GALNT14: variants seen among roughly 807,000 people sequenced by gnomAD.
GALNT14 encodes polypeptide N-acetylgalactosaminyltransferase 14.
A neutral mutation model predicts 77.5 loss-of-function variants in GALNT14; 60 were observed. That is an observed-to-expected ratio of 0.77 (90% CI 0.63 to 0.96). The LOEUF is 0.96. Among genes scored for constraint, GALNT14 ranks in the 40% least tolerant of loss-of-function variants. GALNT14 has a pLI of 0.00. For synonymous variants in GALNT14, 280 were observed against 281.7 expected, an observed-to-expected ratio of 0.99 and a Z score of 0.06; for missense variants, 710 against 731.0, an observed-to-expected ratio of 0.97 and a Z score of 0.33.
chr2:31,070,219 A>G lies in GALNT14; in HGVS notation c.129+67739T>C, dbSNP rs117890479. On this transcript the variant is annotated intron_variant, in intron 1 of 14. Coordinates refer to ENST00000349752, the MANE Select transcript of GALNT14 (RefSeq NM_024572.4). ...GCTATTCCACCATCTACTCATTCAC[A>G]AAGTGCCTTCCTAAGTTCAGTCAGG... 2.0e-5 allele frequency among the ~76,000 whole-genome samples: 3 copies of G among 152,300 alleles called. No individual in the cohort carries two copies. The East Asian group carries it at 5.8e-4, about 29-fold the overall frequency.
At chr2:30,969,427 G>C (rs563201409) in intron 2 of GALNT14, among the ~76,000 whole-genome samples, 193 of 152,324 alleles carry the variant, frequency 1.3e-3, no homozygotes, top group Non-Finnish European at 1.9e-3. Flanking sequence ...GTTGGGGAGG[G>C]AGGTGGTACT....
intron 11 of GALNT14, 39 bp downstream of exon 11, chr2:30,929,356 T>C (rs1665585282): frequency 2.0e-6 from 3 of 1,528,934 alleles, no homozygotes. Flanking sequence ...CTGGGCTCTT[T>C]TGCAGTCTCT....
the GALNT14 span, among the ~76,000 whole-genome samples, chr2:30,904,876 A>G: frequency 6.6e-6 from 1 of 152,046 alleles, no homozygotes; most frequent in African/African-American, 2.4e-5. Flanking sequence ...GAACGGGCAG[A>G]CTGCCTCCTC....
intron 3 of GALNT14, among the ~76,000 whole-genome samples, chr2:30,960,870 C>T (rs951261728): frequency 3.3e-5 from 5 of 152,238 alleles, no homozygotes; most frequent in Non-Finnish European, 5.9e-5. Context: ...CACCCCCACT[C>T]CAGCTGCCTT....
intron 8 of GALNT14, 28 bp downstream of exon 8, chr2:30,944,830 C>A (rs1424267190): frequency 1.3e-6 from 2 of 1,537,008 alleles, no homozygotes; most frequent in South Asian, 1.2e-5. Flanking sequence ...ATGGTCTGCC[C>A]ACCCCTGCAC....
At chr2:30,989,716 AGT>A (rs1669571447) in intron 2 of GALNT14, among the ~76,000 whole-genome samples, 2 of 116,086 alleles carry the variant, frequency 1.7e-5, no homozygotes, top group African/African-American at 3.6e-5. Context: ...TATATATATT[AGT>A]ATATATATAT....
intron 2 of GALNT14, among the ~76,000 whole-genome samples, chr2:30,970,131 C>G (rs1445668433): frequency 6.6e-6 from 1 of 152,190 alleles, no homozygotes; most frequent in Non-Finnish European, 1.5e-5. Flanking sequence ...GCAGACGACT[C>G]TGCCTGCTGG....
intron 1 of GALNT14, among the ~76,000 whole-genome samples, chr2:31,083,000 G>T (rs2148586616): frequency 6.6e-6 from 1 of 152,212 alleles, no homozygotes; most frequent in Middle Eastern, 3.4e-3. Flanking sequence ...CCTGGTGACA[G>T]AGTATGACTC....
downstream of GALNT14, among the ~76,000 whole-genome samples, chr2:30,907,589 G>T (rs1664177739): frequency 6.6e-6 from 1 of 152,088 alleles, no homozygotes. Context: ...ACCAAAAAGA[G>T]TCCAGGACCA....
chr2:30,931,670 C>A (rs1430165976), intron 10 of GALNT14, among the ~76,000 whole-genome samples: 1 of 152,190 alleles, frequency 6.6e-6, no homozygotes, highest in Non-Finnish European at 1.5e-5. Flanking sequence ...GCCCAAAGAC[C>A]TCTCCCCTAG....
chr2:31,084,176 T>C (rs1174722893), intron 1 of GALNT14, among the ~76,000 whole-genome samples: 3 of 152,116 alleles, frequency 2.0e-5, no homozygotes, highest in African/African-American at 4.8e-5. Flanking sequence ...TATCCTTTTA[T>C]CCTCAACACA....
At chr2:31,093,172 G>T (rs1676840393) in intron 1 of GALNT14, among the ~76,000 whole-genome samples, 1 of 152,184 alleles carries the variant, frequency 6.6e-6, no homozygotes, top group African/African-American at 2.4e-5. Flanking sequence ...CAGGAGCAGG[G>T]AAAGCTGGCT....
At chr2:30,987,876 A>G (rs1669406932) in intron 2 of GALNT14, among the ~76,000 whole-genome samples, 1 of 152,220 alleles carries the variant, frequency 6.6e-6, no homozygotes, top group African/African-American at 2.4e-5. Context: ...AACGCATCCT[A>G]TAAATCAGAA....
intron 1 of GALNT14, among the ~76,000 whole-genome samples, chr2:31,119,579 G>A (rs1353729239): frequency 6.6e-6 from 1 of 152,230 alleles, no homozygotes; most frequent in African/African-American, 2.4e-5. Context: ...GCTGGGGAAA[G>A]AGTACTCTCG....
At chr2:30,897,205 G>C in the GALNT14 span, among the ~76,000 whole-genome samples, 1 of 152,052 alleles carries the variant, frequency 6.6e-6, no homozygotes, top group African/African-American at 2.4e-5. Context: ...TTGTTTCTGT[G>C]CTTGTGCTCC....
chr2:31,068,525 A>G (rs1321243871), intron 1 of GALNT14, among the ~76,000 whole-genome samples: 1 of 143,200 alleles, frequency 7.0e-6, no homozygotes, highest in Non-Finnish European at 1.5e-5. Context: ...AAAAAAAAAA[A>G]GAAAAGAAAA....
chr2:31,092,383 C>G (rs1676792921), intron 1 of GALNT14, among the ~76,000 whole-genome samples: 1 of 152,004 alleles, frequency 6.6e-6, no homozygotes, highest in Non-Finnish European at 1.5e-5. Context: ...CATGACTCAT[C>G]ACCTACCAGA....
intron 1 of GALNT14, among the ~76,000 whole-genome samples, chr2:31,114,205 C>A (rs1573368089): frequency 6.6e-6 from 1 of 151,964 alleles, no homozygotes; most frequent in Non-Finnish European, 1.5e-5. Context: ...TCTTTCTTTA[C>A]TTCTTACACA....
chr2:30,963,502 GTCTGAGCACAGCAGCTAA>G, intron 3 of GALNT14, among the ~76,000 whole-genome samples: 1 of 152,324 alleles, frequency 6.6e-6, no homozygotes, highest in South Asian at 2.1e-4. Context: ...ATGTCTTAGA[GTCTGAGCACAGCAGCTAA>G]GGTACCCTCG....
Sources: gnomAD v4.1 joint callset for allele counts (sites outside exome capture counted in the v4.1 genomes callset) on GRCh38, gnomAD v4.1.1 for gene constraint, MANE v1.5 for transcripts, NCBI Gene and HGNC (gene_info 2026-07-23, HGNC 2026-07-21) for gene names.